METAP1: variants seen among roughly 807,000 people sequenced by gnomAD.
The protein encoded by METAP1 is methionyl aminopeptidase 1.
Under a neutral mutation model 53.8 loss-of-function variants are expected in METAP1, and 28 were observed. The observed-to-expected ratio is 0.52, with a 90% CI of 0.39 to 0.71. METAP1 has a LOEUF of 0.71. METAP1 is among the 30% of genes least tolerant of loss of function. The pLI, the probability that METAP1 is intolerant of heterozygous loss-of-function variation, is 0.00. For missense variants in METAP1, 389 were observed against 479.8 expected, an observed-to-expected ratio of 0.81 and a Z score of 1.77; for synonymous variants, 181 against 165.7, an observed-to-expected ratio of 1.09 and a Z score of -0.71.
chr4:99,059,743 C>T lies in METAP1; in HGVS notation c.998-1411C>T, dbSNP rs142452522. Among the ~76,000 whole-genome samples the T allele has an allele frequency of 3.6e-3, 550 of 152,126 alleles. 2 individuals carry two copies. The highest frequency in any genetic ancestry group is 6.8e-3 in the Middle Eastern group (2 of 294). ...ATTATGACCCCTTCACCCCCTTTCC[C>T]TCCTTTCTCTGAGTTTTCTTTCATG... On this transcript the variant is annotated intron_variant, in intron 10 of 10. Coordinates refer to ENST00000296411, the MANE Select transcript of METAP1 (RefSeq NM_015143.3).
intron 9 of METAP1, among the ~76,000 whole-genome samples, chr4:99,056,730 C>T (rs1439868519): frequency 6.6e-6 from 1 of 151,988 alleles, no homozygotes; most frequent in Non-Finnish European, 1.5e-5. Flanking sequence ...CCACCACGCC[C>T]AGCTAATTTT....
intron 2 of METAP1, among the ~76,000 whole-genome samples, chr4:99,029,589 T>G (rs1331468761): frequency 6.6e-6 from 1 of 152,180 alleles, no homozygotes; most frequent in Non-Finnish European, 1.5e-5. Context: ...GGCTTTCTGT[T>G]CTATATAGCA....
At chr4:99,046,997 A>T (rs1197897815) in intron 8 of METAP1, among the ~76,000 whole-genome samples, 1 of 150,754 alleles carries the variant, frequency 6.6e-6, no homozygotes, top group African/African-American at 2.4e-5. Context: ...GCTGTTTTAT[A>T]TGACGTATGA....
At chr4:99,008,892 T>TA (rs889348466) in intron 1 of METAP1, among the ~76,000 whole-genome samples, 2 of 152,214 alleles carry the variant, frequency 1.3e-5, no homozygotes, top group Non-Finnish European at 2.9e-5. Context: ...AAATTTGTTA[T>TA]AAAAAACATT....
At chr4:99,034,088 G>A in intron 2 of METAP1, 142 bp from the exon 3 acceptor site, 1 of 587,626 alleles carries the variant, frequency 1.7e-6, no homozygotes. Context: ...TAAAAGTTTG[G>A]TGGATTTTTG....
At chr4:99,045,754 GT>G (rs747188579) in intron 8 of METAP1, among the ~76,000 whole-genome samples, 1 of 151,996 alleles carries the variant, frequency 6.6e-6, no homozygotes, top group African/African-American at 2.4e-5. Context: ...TACCGTTTAG[GT>G]TTTTTCTCTC....
At chr4:99,023,808 G>T (rs1724325087) in intron 1 of METAP1, 1 of 979,798 alleles carries the variant, frequency 1.0e-6, no homozygotes, top group South Asian at 4.7e-5. Context: ...ACCATACAAT[G>T]GGTTCATCTT....
intron 7 of METAP1, 75 bp downstream of exon 7, chr4:99,043,462 G>A: frequency 1.4e-6 from 2 of 1,456,552 alleles, no homozygotes; most frequent in African/African-American, 1.4e-5. Flanking sequence ...AGTGACTTGT[G>A]TTTTCTTGAC....
At chr4:99,028,380 T>C (rs1417435476) in intron 1 of METAP1, among the ~76,000 whole-genome samples, 1 of 152,132 alleles carries the variant, frequency 6.6e-6, no homozygotes, top group East Asian at 1.9e-4. Context: ...TGAGCAATAG[T>C]GGTAAACTTT....
intron 5 of METAP1, among the ~76,000 whole-genome samples, chr4:99,039,708 C>T (rs760896421): frequency 2.6e-5 from 4 of 152,060 alleles, no homozygotes; most frequent in Non-Finnish European, 1.5e-5. Flanking sequence ...ATTCTTCTGC[C>T]TCAGCCTCCT....
intron 1 of METAP1, among the ~76,000 whole-genome samples, chr4:99,004,756 T>A (rs1239223879): frequency 1.3e-5 from 2 of 152,232 alleles, no homozygotes; most frequent in African/African-American, 2.4e-5. Context: ...AAATTTTTTT[T>A]ACCAACAAAA....
At chr4:98,995,996 C>T (rs1029488686) in intron 1 of METAP1, 129 bp downstream of exon 1, 12 of 734,208 alleles carry the variant, frequency 1.6e-5, no homozygotes, top group East Asian at 9.1e-5. Context: ...CGCGTTTCCT[C>T]CTCCCCCCAC....
At chr4:99,015,589 C>T (rs1723712743) in intron 1 of METAP1, among the ~76,000 whole-genome samples, 1 of 152,170 alleles carries the variant, frequency 6.6e-6, no homozygotes, top group Non-Finnish European at 1.5e-5. Context: ...GTCCATAGAA[C>T]ATTATTCCAA....
At chr4:99,003,637 G>A (rs966900526) in intron 1 of METAP1, among the ~76,000 whole-genome samples, 7 of 152,060 alleles carry the variant, frequency 4.6e-5, no homozygotes, top group African/African-American at 1.7e-4. Flanking sequence ...AGGATCTGTC[G>A]ATGTATGTTT....
intron 1 of METAP1, among the ~76,000 whole-genome samples, chr4:99,011,973 G>A (rs1000797078): frequency 6.6e-6 from 1 of 152,026 alleles, no homozygotes; most frequent in Non-Finnish European, 1.5e-5. Flanking sequence ...AAAACAAAAT[G>A]AGCTTGGAAG....
chr4:99,046,936 C>CAAAAAAAAAAAAAAAAAA (rs56702946), intron 8 of METAP1, among the ~76,000 whole-genome samples: 4 of 82,212 alleles, frequency 4.9e-5, no homozygotes, highest in African/African-American at 7.4e-5. Flanking sequence ...ACTGAAGAAA[C>CAAAAAAAAAAAAAAAAAA]AAAAAAAAAA....
At chr4:99,004,305 A>G (rs1723060879) in intron 1 of METAP1, among the ~76,000 whole-genome samples, 1 of 152,140 alleles carries the variant, frequency 6.6e-6, no homozygotes, top group Non-Finnish European at 1.5e-5. Context: ...TGGGGGTTAG[A>G]CACTTGCCTT....
At chr4:99,009,485 A>G (rs182371754) in intron 1 of METAP1, among the ~76,000 whole-genome samples, 6 of 152,320 alleles carry the variant, frequency 3.9e-5, no homozygotes, top group South Asian at 2.1e-4. Context: ...TTCCAACACA[A>G]TGTACAAGGG....
chr4:99,030,477 G>T, intron 2 of METAP1, among the ~76,000 whole-genome samples: 1 of 152,154 alleles, frequency 6.6e-6, no homozygotes. Context: ...CAGTGGATGA[G>T]CCTGCTGTTC....
Sources: allele counts gnomAD v4.1 joint callset (sites outside exome capture counted in the v4.1 genomes callset), GRCh38; gene constraint gnomAD v4.1.1; transcripts MANE v1.5; gene names NCBI Gene and HGNC (gene_info 2026-07-23, HGNC 2026-07-21).